The following STXBP5L variants were observed in gnomAD, a reference collection of about 807,000 sequenced individuals.
STXBP5L encodes the protein syntaxin binding protein 5L.
A neutral mutation model predicts 144.5 loss-of-function variants in STXBP5L; 65 were observed. That is an observed-to-expected ratio of 0.45 (90% confidence interval 0.37 to 0.55). The LOEUF (loss-of-function observed/expected upper bound fraction) is 0.55, where lower values mean the gene tolerates loss of function less well. STXBP5L is among the 20% of genes least tolerant of loss of function. The probability of loss-of-function intolerance (pLI) is 0.00; values close to 1 mark genes in which losing one functional copy is unlikely to be tolerated. For missense variants in STXBP5L, 1,298 were observed against 1,405.5 expected, an observed-to-expected ratio of 0.92 and a Z score of 1.22; for synonymous variants, 505 against 469.6, an observed-to-expected ratio of 1.08 and a Z score of -0.97.
intron 3 of STXBP5L, among the ~76,000 whole-genome samples, chr3:120,980,028 T>C (rs879408252): frequency 1.3e-5 from 2 of 152,222 alleles, no homozygotes; most frequent in Admixed American, 6.5e-5. Flanking sequence ...ATTTGTATCT[T>C]TTTGATAGTT....
intron 5 of STXBP5L, among the ~76,000 whole-genome samples, chr3:121,048,671 A>G (rs1453170886): frequency 6.7e-6 from 1 of 148,718 alleles, no homozygotes; most frequent in Non-Finnish European, 1.5e-5. Context: ...TTTCCACTCT[A>G]TCAGATCAGT....
At chr3:121,199,717 C>T (rs537397386) in intron 9 of STXBP5L, among the ~76,000 whole-genome samples, 201 of 152,080 alleles carry the variant, frequency 1.3e-3, no homozygotes, top group African/African-American at 3.7e-3. Context: ...ATCAAAGGCC[C>T]TTTTCTGCAT....
chr3:120,966,100 A>C (rs1433114987), intron 3 of STXBP5L, among the ~76,000 whole-genome samples: 1 of 152,148 alleles, frequency 6.6e-6, no homozygotes, highest in Non-Finnish European at 1.5e-5. Context: ...TGCGTCACAA[A>C]GTTCTTGTGC....
chr3:121,390,291 G>C (rs966140985), intron 22 of STXBP5L, among the ~76,000 whole-genome samples: 3 of 152,096 alleles, frequency 2.0e-5, no homozygotes, highest in Admixed American at 2.0e-4. Flanking sequence ...CTTTGCATGT[G>C]AGATGGGTCT....
At chr3:121,058,343 C>A (rs1188179944) in intron 5 of STXBP5L, among the ~76,000 whole-genome samples, 1 of 152,148 alleles carries the variant, frequency 6.6e-6, no homozygotes, top group Non-Finnish European at 1.5e-5. Context: ...CCATGGTGTA[C>A]ATGTGCCACA....
chr3:121,250,576 G>A (rs1359559381), intron 14 of STXBP5L, 147 bp from the exon 15 acceptor site: 1 of 613,212 alleles, frequency 1.6e-6, no homozygotes. Context: ...TTTAAGCTTA[G>A]AAATGGTTTA....
At chr3:120,990,242 A>T (rs920553760) in intron 3 of STXBP5L, among the ~76,000 whole-genome samples, 1 of 152,140 alleles carries the variant, frequency 6.6e-6, no homozygotes, top group Non-Finnish European at 1.5e-5. Flanking sequence ...TAGGAATCCA[A>T]CTTACAAGGG....
Position 121,205,263 on chromosome 3 carries a change from A to AG in STXBP5L, c.878-656dup, listed in dbSNP as rs1447540785. On this transcript the variant is annotated intron_variant, in intron 9 of 26. Coordinates refer to ENST00000471454, the MANE Select transcript of STXBP5L (RefSeq NM_001308330.2). The stretch of plus-strand genomic sequence containing the variant: ...CTGGAGGCTGTAAAGGCCAAGATTG[A>AG]GGGGCAACATCTGATGAGGGACTTC... 5.9e-5 allele frequency among the ~76,000 whole-genome samples: 9 copies of AG among 152,268 alleles called. No individual in the cohort carries two copies. The East Asian group carries it at 1.7e-3, about 29-fold the overall frequency.
chr3:120,915,486 T>A (rs1270659219), intron 2 of STXBP5L, among the ~76,000 whole-genome samples: 1 of 152,166 alleles, frequency 6.6e-6, no homozygotes, highest in Non-Finnish European at 1.5e-5. Flanking sequence ...CAAATTGAGT[T>A]TGTTTTTCTC....
At chr3:121,134,640 G>A (rs2045159482) in intron 7 of STXBP5L, among the ~76,000 whole-genome samples, 1 of 151,930 alleles carries the variant, frequency 6.6e-6, no homozygotes, top group Non-Finnish European at 1.5e-5. Flanking sequence ...CCGCCTATGA[G>A]TGAGAACATG....
rs138932256 is a variant in STXBP5L at position 120,972,999 on chromosome 3, C to A, written c.287+17962C>A. Among the ~76,000 whole-genome samples, 6 of 152,158 alleles carry A rather than the reference C, an allele frequency of 3.9e-5. No homozygotes were observed. The East Asian group carries it at 1.2e-3, about 29-fold the overall frequency. On this transcript the variant is annotated intron_variant, in intron 3 of 26. Coordinates refer to ENST00000471454, the MANE Select transcript of STXBP5L (RefSeq NM_001308330.2). ...CTATTTTGTTGAGGAGTTTTTGCAACTCTGTTCATCAGAGATATTGATCTA... is the reference window on the plus strand; with the variant it reads ...CTATTTTGTTGAGGAGTTTTTGCAAATCTGTTCATCAGAGATATTGATCTA...
At chr3:120,988,861 CTA>C (rs796647267) in intron 3 of STXBP5L, among the ~76,000 whole-genome samples, 10 of 152,094 alleles carry the variant, frequency 6.6e-5, no homozygotes, top group African/African-American at 2.2e-4. Flanking sequence ...ATTTCACTCT[CTA>C]TGTTTATGTG....
chr3:121,238,949 A>C (rs767339975), intron 12 of STXBP5L, 22 bp from the exon 13 acceptor site: 1 of 1,536,562 alleles, frequency 6.5e-7, no homozygotes, highest in East Asian at 2.3e-5. Flanking sequence ...AATAACACTG[A>C]TATATTGTCT....
At chr3:121,119,517 A>T (rs756932296) in intron 6 of STXBP5L, among the ~76,000 whole-genome samples, 11 of 151,462 alleles carry the variant, frequency 7.3e-5, no homozygotes, top group Non-Finnish European at 1.0e-4. Flanking sequence ...AAGAGAACTA[A>T]ATAGGGATAC....
At chr3:121,241,607 A>G (rs1386968036) in intron 14 of STXBP5L, among the ~76,000 whole-genome samples, 1 of 152,148 alleles carries the variant, frequency 6.6e-6, no homozygotes, top group African/African-American at 2.4e-5. Flanking sequence ...CTGTGGTGTC[A>G]GTGGGGAGCT....
At chr3:121,115,830 AGAG>A (rs2044209085) in intron 6 of STXBP5L, among the ~76,000 whole-genome samples, 1 of 152,116 alleles carries the variant, frequency 6.6e-6, no homozygotes, top group African/African-American at 2.4e-5. Flanking sequence ...AGCAGGAGCA[AGAG>A]GAGGAGTTAG....
intron 3 of STXBP5L, among the ~76,000 whole-genome samples, chr3:120,996,273 A>G (rs943400091): frequency 5.3e-5 from 8 of 152,014 alleles, no homozygotes; most frequent in African/African-American, 1.9e-4. Flanking sequence ...AGATTTTTGA[A>G]TCTATAAGTT....
Position 121,269,727 on chromosome 3 carries a change from T to A in STXBP5L, c.1959-10078T>A, listed in dbSNP as rs199693348. ...TCTGGGGAAGAAGAGAGGTTTTTTA[T>A]CTCTACTACCCTGAAATGTCTCAAA... On this transcript the variant is annotated intron_variant, in intron 18 of 26. Transcript: ENST00000471454. Among the ~76,000 whole-genome samples the A allele has an allele frequency of 1.3e-4, 20 of 152,314 alleles. No individual in the cohort carries two copies. In the East Asian group the frequency reaches 3.9e-3, roughly 29 times the overall value.
At chr3:121,060,077 T>C (rs2041188076) in intron 5 of STXBP5L, among the ~76,000 whole-genome samples, 1 of 152,218 alleles carries the variant, frequency 6.6e-6, no homozygotes, top group African/African-American at 2.4e-5. Flanking sequence ...CTTCCAGTTT[T>C]TGCCCATTCA....
Sources: allele counts gnomAD v4.1 joint callset (sites outside exome capture counted in the v4.1 genomes callset), GRCh38; gene constraint gnomAD v4.1.1; transcripts MANE v1.5; gene names NCBI Gene and HGNC (gene_info 2026-07-23, HGNC 2026-07-21).